The following CDH12 variants were observed in gnomAD, a reference collection of about 807,000 sequenced individuals.
CDH12 encodes the protein cadherin-12.
CDH12 carries 41 observed loss-of-function variants against 74.1 expected under a neutral mutation model. That is an observed-to-expected ratio of 0.55 (90% CI 0.43 to 0.72). The LOEUF (loss-of-function observed/expected upper bound fraction) is 0.72. Ranked by LOEUF, CDH12 falls within the 30% of genes least tolerant of loss-of-function variation. The pLI, the probability that CDH12 is intolerant of heterozygous loss-of-function variation, is 0.00. For synonymous variants in CDH12, 399 were observed against 355.0 expected, an observed-to-expected ratio of 1.12 and a Z score of -1.39; for missense variants, 945 against 977.2, an observed-to-expected ratio of 0.97 and a Z score of 0.44.
At position 21,810,129 on chromosome 5, in the gene CDH12, G is replaced by A. The variant is rs115270647; in HGVS notation, c.1002+6816C>T. 5.1e-3 allele frequency among the ~76,000 whole-genome samples: 772 copies of A among 152,204 alleles called. 5 individuals are homozygous for A. The highest frequency in any genetic ancestry group is 9.7e-3 in the Non-Finnish European group (662 of 68,010). ...TGAACATGCCTGTAAATGTGTGTGT[G>A]TGCAGAAGTTAGTAATAGAAAATGC... is the stretch of plus-strand genomic sequence containing the variant. On this transcript the variant is annotated intron_variant, in intron 9 of 14. Coordinates refer to ENST00000382254, the MANE Select transcript of CDH12 (RefSeq NM_004061.5).
At chr5:22,020,869 T>C (rs1737928459) in intron 5 of CDH12, among the ~76,000 whole-genome samples, 1 of 151,646 alleles carries the variant, frequency 6.6e-6, no homozygotes, top group African/African-American at 2.4e-5. Context: ...ATTCAGTACA[T>C]AGCACAGGGA....
intron 10 of CDH12, among the ~76,000 whole-genome samples, chr5:21,801,393 G>A (rs1218316997): frequency 1.3e-5 from 2 of 152,072 alleles, no homozygotes; most frequent in Non-Finnish European, 2.9e-5. Flanking sequence ...TCTTTTAATT[G>A]GTTTCTCAAC....
At chr5:21,965,996 T>C (rs1356547915) in intron 6 of CDH12, among the ~76,000 whole-genome samples, 1 of 152,122 alleles carries the variant, frequency 6.6e-6, no homozygotes, top group Non-Finnish European at 1.5e-5. Context: ...GTCTATAACA[T>C]TGAAAGACTG....
intron 3 of CDH12, among the ~76,000 whole-genome samples, chr5:22,288,440 CATA>C (rs906286002): frequency 1.3e-5 from 2 of 152,088 alleles, no homozygotes; most frequent in African/African-American, 4.8e-5. Context: ...TTTGCAGAAA[CATA>C]ATGTTTATGT....
intron 3 of CDH12, among the ~76,000 whole-genome samples, chr5:22,322,737 A>C (rs1178727407): frequency 6.6e-6 from 1 of 152,150 alleles, no homozygotes; most frequent in Non-Finnish European, 1.5e-5. Context: ...CAGACTTTTT[A>C]TTGATGAAGA....
At chr5:22,240,718 G>A (rs1752718895) in intron 3 of CDH12, among the ~76,000 whole-genome samples, 1 of 152,044 alleles carries the variant, frequency 6.6e-6, no homozygotes, top group Admixed American at 6.6e-5. Flanking sequence ...ATTTTTAGTA[G>A]AGATAGGGTT....
intron 1 of CDH12, among the ~76,000 whole-genome samples, chr5:22,811,577 G>A (rs1474336605): frequency 6.6e-6 from 1 of 152,092 alleles, no homozygotes; most frequent in African/African-American, 2.4e-5. Flanking sequence ...TAGAGATGAA[G>A]GATGTCAGGG....
chr5:22,032,553 A>T (rs1051780322), intron 5 of CDH12, among the ~76,000 whole-genome samples: 1 of 151,860 alleles, frequency 6.6e-6, no homozygotes, highest in Non-Finnish European at 1.5e-5. Flanking sequence ...TCTACTAAAA[A>T]TACAAAAATT....
chr5:22,259,644 T>C (rs1753442558), intron 3 of CDH12, among the ~76,000 whole-genome samples: 1 of 152,080 alleles, frequency 6.6e-6, no homozygotes, highest in Non-Finnish European at 1.5e-5. Flanking sequence ...GTGCTTTGCA[T>C]AAATATACAT....
intron 1 of CDH12, among the ~76,000 whole-genome samples, chr5:22,743,803 T>A (rs1304645102): frequency 6.6e-6 from 1 of 152,122 alleles, no homozygotes; most frequent in Non-Finnish European, 1.5e-5. Context: ...ACTGTCGAAG[T>A]CTTCAATGGC....
chr5:21,924,349 C>T (rs1182524591), intron 6 of CDH12, among the ~76,000 whole-genome samples: 1 of 152,052 alleles, frequency 6.6e-6, no homozygotes, highest in African/African-American at 2.4e-5. Flanking sequence ...AACCCTGTCT[C>T]TACTAAAAAT....
intron 4 of CDH12, among the ~76,000 whole-genome samples, chr5:22,123,177 T>C (rs999625143): frequency 9.2e-5 from 14 of 152,170 alleles, no homozygotes; most frequent in Non-Finnish European, 2.1e-4. Context: ...ATAGGATAAA[T>C]GCCCTTATAG....
At chr5:21,938,607 G>C (rs1286810917) in intron 6 of CDH12, among the ~76,000 whole-genome samples, 1 of 149,156 alleles carries the variant, frequency 6.7e-6, no homozygotes, top group Non-Finnish European at 1.5e-5. Flanking sequence ...ATCTCAGGCA[G>C]ATAGGCTATG....
chr5:22,558,646 GA>G lies in CDH12; in HGVS notation c.-522-53283del, dbSNP rs1466899174. ...AAATACCCACAAAAATAAACAAAGAGAGGGGGAAAAAACCATAAAACTTAAG... is the reference window on the plus strand; with the variant it reads ...AAATACCCACAAAAATAAACAAAGAGGGGGGAAAAAACCATAAAACTTAAG... On this transcript the variant is annotated intron_variant, in intron 1 of 14. Transcript: ENST00000382254. 4.0e-5 allele frequency among the ~76,000 whole-genome samples: 6 copies of G among 151,852 alleles called. No homozygotes were observed. In the East Asian group the frequency reaches 9.6e-4, roughly 24 times the overall value.
chr5:21,816,408 C>T (rs113894526), intron 9 of CDH12, among the ~76,000 whole-genome samples: 19,690 of 151,522 alleles, frequency 0.13, 1,716 homozygotes, highest in East Asian at 0.24. Flanking sequence ...AGGTGGATCA[C>T]GAGGTCAGGA....
At chr5:22,496,688 A>G (rs932328905) in intron 2 of CDH12, among the ~76,000 whole-genome samples, 1 of 152,196 alleles carries the variant, frequency 6.6e-6, no homozygotes, top group Non-Finnish European at 1.5e-5. Context: ...TTGTGATTCC[A>G]ATCATCTGTG....
intron 4 of CDH12, among the ~76,000 whole-genome samples, chr5:22,184,453 C>T (rs540607018): frequency 6.6e-6 from 1 of 152,290 alleles, no homozygotes; most frequent in East Asian, 1.9e-4. Flanking sequence ...TTGCCTAGAG[C>T]TCCTTCTTCA....
intron 3 of CDH12, among the ~76,000 whole-genome samples, chr5:22,283,743 T>G (rs1737018582): frequency 6.6e-6 from 1 of 152,094 alleles, no homozygotes; most frequent in Admixed American, 6.6e-5. Flanking sequence ...ACTTGAAAAT[T>G]CTGACAATAG....
At chr5:21,821,010 C>T (rs1360175452) in intron 8 of CDH12, among the ~76,000 whole-genome samples, 1 of 151,540 alleles carries the variant, frequency 6.6e-6, no homozygotes, top group African/African-American at 2.4e-5. Context: ...CTTCATTTTC[C>T]CATAGAAAAG....
Sources: allele counts gnomAD v4.1 joint callset (sites outside exome capture counted in the v4.1 genomes callset), GRCh38; gene constraint gnomAD v4.1.1; transcripts MANE v1.5; gene names NCBI Gene and HGNC (gene_info 2026-07-23, HGNC 2026-07-21).